Variants in HNRNPC observed in about 807,000 individuals in gnomAD.
HNRNPC encodes the protein heterogeneous nuclear ribonucleoprotein C.
Under a neutral mutation model 33.2 loss-of-function variants are expected in HNRNPC, and 3 were observed. The ratio of observed to expected loss-of-function variants is 0.09; its 90% CI spans 0.04 to 0.23. HNRNPC has a LOEUF of 0.23. Ranked by LOEUF, HNRNPC falls within the 10% of genes least tolerant of loss-of-function variation. The pLI is 1.00. For synonymous variants in HNRNPC, 121 were observed against 126.7 expected (o/e 0.96, Z 0.30); for missense variants, 143 against 366.7 (o/e 0.39, Z 4.98).
intron 2 of HNRNPC, among the ~76,000 whole-genome samples, chr14:21,240,480 C>T (rs183017016): frequency 1.6e-3 from 241 of 152,220 alleles, no homozygotes; most frequent in Non-Finnish European, 2.0e-3. Flanking sequence ...GGAAAAGGTA[C>T]GGCAGTTTGC....
rs1230862681 is a variant in HNRNPC, at chr14:21,230,867, A to G, written c.317+130T>C. On this transcript the variant is annotated intron_variant, in intron 4 of 8. Coordinates refer to ENST00000553300, the MANE Select transcript of HNRNPC (RefSeq NM_004500.4). ...CCTTATTTATACACAGATAAAACAC[A>G]GTACACTTAAACCTCCCCACACCCA... 6.1e-6 allele frequency: 6 copies of G among 984,392 alleles called. No individual in the cohort carries two copies. The East Asian group carries it at 1.4e-4, about 23-fold the overall frequency. 61.0% of individuals were successfully genotyped at this position (984,392 alleles called of 1,614,324 possible).
intron 2 of HNRNPC, among the ~76,000 whole-genome samples, chr14:21,247,888 G>A (rs926083931): frequency 7.9e-5 from 12 of 151,644 alleles, no homozygotes; most frequent in Admixed American, 2.6e-4. Context: ...TTGGGAGGCC[G>A]AGGCATGAGA....
At chr14:21,241,376 CCTT>C (rs751734882) in intron 2 of HNRNPC, among the ~76,000 whole-genome samples, 3 of 151,966 alleles carry the variant, frequency 2.0e-5, no homozygotes, top group Non-Finnish European at 2.9e-5. Flanking sequence ...GTAAAATTTC[CCTT>C]CTTTGCAGAA....
At position 21,246,512 on chromosome 14, in the gene HNRNPC, G is replaced by A. The variant is rs569794241; in HGVS notation, c.-36-12283C>T. Among the ~76,000 whole-genome samples, 15 of 151,366 alleles carry A rather than the reference G, an allele frequency of 9.9e-5. No individual in the cohort carries two copies. The South Asian group carries it at 2.5e-3, about 25-fold the overall frequency. ...ACCCGGGAGGCAGAGCTTGCAGTGA[G>A]CTGGAGATTGCGCCACTGCACTCCA... On this transcript the variant is annotated intron_variant, in intron 2 of 8. Coordinates refer to ENST00000553300, the MANE Select transcript of HNRNPC (RefSeq NM_004500.4).
intron 2 of HNRNPC, among the ~76,000 whole-genome samples, chr14:21,253,864 C>T (rs1005151831): frequency 6.6e-6 from 1 of 151,754 alleles, no homozygotes; most frequent in African/African-American, 2.4e-5. Flanking sequence ...AGCAAATCGA[C>T]ACCATCCTGG....
chr14:21,260,466 T>C (rs952838917), intron 2 of HNRNPC, among the ~76,000 whole-genome samples: 1 of 151,992 alleles, frequency 6.6e-6, no homozygotes, highest in Non-Finnish European at 1.5e-5. Flanking sequence ...AAAAAAGGAT[T>C]CCCTGACCTC....
chr14:21,220,191 G>C (rs1327874445), intron 5 of HNRNPC, among the ~76,000 whole-genome samples: 1 of 151,036 alleles, frequency 6.6e-6, no homozygotes, highest in African/African-American at 2.4e-5. Context: ...TATGCGTCAC[G>C]TGATGTCTTT....
At position 21,224,728 on chromosome 14, in the gene HNRNPC, ATT is replaced by A. The variant is rs540232400; in HGVS notation, c.365+5589_365+5590del. Among the ~76,000 whole-genome samples the A allele has an allele frequency of 6.6e-4, 101 of 152,118 alleles. 1 individual carries two copies. The highest frequency in any genetic ancestry group is 1.2e-3 in the Non-Finnish European group (80 of 68,036). On this transcript the variant is annotated intron_variant, in intron 5 of 8. Transcript: ENST00000553300. ...TAATACAAAGCCCTTTACAACTAAC[ATT>A]CTTTACAATTTACTTTACAGCTGGC...
At chr14:21,221,615 A>T (rs1021866367) in intron 5 of HNRNPC, among the ~76,000 whole-genome samples, 6 of 152,272 alleles carry the variant, frequency 3.9e-5, no homozygotes, top group African/African-American at 1.2e-4. Flanking sequence ...TGGTGGAATT[A>T]TAAGAAACAG....
At chr14:21,229,889 C>A (rs1032449394) in intron 5 of HNRNPC, among the ~76,000 whole-genome samples, 2 of 152,150 alleles carry the variant, frequency 1.3e-5, no homozygotes, top group African/African-American at 4.8e-5. Context: ...TGAGTTTGAA[C>A]GCGACAAGCC....
At chr14:21,244,767 T>C (rs768844249) in intron 2 of HNRNPC, among the ~76,000 whole-genome samples, 22 of 152,186 alleles carry the variant, frequency 1.4e-4, no homozygotes, top group Non-Finnish European at 2.4e-4. Flanking sequence ...CTGTATCGTA[T>C]AGCCTATTGC....
At chr14:21,266,793 C>CA (rs1274181263) in intron 1 of HNRNPC, among the ~76,000 whole-genome samples, 1 of 151,358 alleles carries the variant, frequency 6.6e-6, no homozygotes, top group Non-Finnish European at 1.5e-5. Flanking sequence ...TAATAACTAC[C>CA]AATTTAGAAA....
chr14:21,256,202 T>G (rs1258336222), intron 2 of HNRNPC, among the ~76,000 whole-genome samples: 1 of 152,108 alleles, frequency 6.6e-6, no homozygotes, highest in Non-Finnish European at 1.5e-5. Flanking sequence ...ATCCCAGCAC[T>G]TTGGGGAGGC....
At chr14:21,230,869 T>A in intron 4 of HNRNPC, 128 bp downstream of exon 4, 1 of 1,014,402 alleles carries the variant, frequency 9.9e-7, no homozygotes, top group African/African-American at 1.6e-5. Flanking sequence ...TAAAACACAG[T>A]ACACTTAAAC....
intron 5 of HNRNPC, among the ~76,000 whole-genome samples, chr14:21,225,731 C>T (rs1215697243): frequency 6.6e-6 from 1 of 152,088 alleles, no homozygotes; most frequent in African/African-American, 2.4e-5. Context: ...ATGTCGCATC[C>T]ATTTTCAATC....
chr14:21,234,324 T>C, intron 2 of HNRNPC, 95 bp from the exon 3 acceptor site: 1 of 1,145,362 alleles, frequency 8.7e-7, no homozygotes, highest in Non-Finnish European at 1.2e-6. Flanking sequence ...CACTGTTAAC[T>C]GCCCAGAGTA....
chr14:21,232,434 A>T (rs1223546627), intron 3 of HNRNPC, among the ~76,000 whole-genome samples: 1 of 152,082 alleles, frequency 6.6e-6, no homozygotes, highest in East Asian at 1.9e-4. Flanking sequence ...CTGGAGTGCA[A>T]TCACGGCTCA....
At chr14:21,230,718 T>C (rs1268963828) in intron 4 of HNRNPC, 2 of 493,878 alleles carry the variant, frequency 4.0e-6, no homozygotes, top group Non-Finnish European at 7.1e-6. Flanking sequence ...TATAAGTATT[T>C]CAGGTTATGC....
chr14:21,254,923 AAAAAAAAAAC>A (rs934493022), intron 2 of HNRNPC, among the ~76,000 whole-genome samples: 41 of 98,390 alleles, frequency 4.2e-4, no homozygotes, highest in Middle Eastern at 5.0e-3. Context: ...CTCTAGTCTC[AAAAAAAAAAC>A]AAAAAAAAAA....
Sources: gnomAD v4.1 joint callset for allele counts (sites outside exome capture counted in the v4.1 genomes callset) on GRCh38, gnomAD v4.1.1 for gene constraint, MANE v1.5 for transcripts, NCBI Gene and HGNC (gene_info 2026-07-23, HGNC 2026-07-21) for gene names.